The following LARGE1 variants were observed in gnomAD, a reference collection of about 807,000 sequenced individuals.
LARGE1 encodes the protein xylosyl- and glucuronyltransferase LARGE1.
A neutral mutation model predicts 87.6 loss-of-function variants in LARGE1; 43 were observed. The observed-to-expected ratio is 0.49, with a 90% confidence interval of 0.38 to 0.63. The LOEUF is 0.63. LARGE1 is among the 30% of genes least tolerant of loss of function. LARGE1 has a pLI of 0.00. For synonymous variants in LARGE1, 434 were observed against 394.6 expected (o/e 1.10, Z -1.18); for missense variants, 802 against 1,000.2 (o/e 0.80, Z 2.67).
At chr22:33,076,042 T>C in the LARGE1 span, among the ~76,000 whole-genome samples, 2 of 152,268 alleles carry the variant, frequency 1.3e-5, no homozygotes, top group South Asian at 4.1e-4. Context: ...TTCAACAAGG[T>C]CAAAGAAATT....
chr22:33,469,840 C>CA (rs2068758163), intron 6 of LARGE1, among the ~76,000 whole-genome samples: 1 of 139,750 alleles, frequency 7.2e-6, no homozygotes, highest in Non-Finnish European at 1.5e-5. Context: ...AAACAAAAAA[C>CA]AAAAAACAAA....
intron 3 of LARGE1, among the ~76,000 whole-genome samples, chr22:33,648,573 C>G (rs80015584): frequency 0.014 from 2,075 of 152,262 alleles, 41 homozygotes; most frequent in African/African-American, 0.047. Context: ...ATGCCTTCAC[C>G]AAGGCAAGAA....
At chr22:33,920,707 G>T (rs1310638256), upstream of LARGE1, among the ~76,000 whole-genome samples, 1 of 145,438 alleles carries the variant, frequency 6.9e-6, no homozygotes, top group African/African-American at 2.5e-5. Flanking sequence ...TGGGTGCGGG[G>T]AGCCGAGGCG....
rs5998826 is a variant in LARGE1, at chr22:33,240,676, A to C, written c.1730+63553T>G. Among the ~76,000 whole-genome samples the C allele has an allele frequency of 4.4e-3, 676 of 152,342 alleles. 4 individuals are homozygous for C. Among genetic ancestry groups the C allele is most frequent in the African/African-American group, 0.015 (637 of 41,574 alleles). ...TTTGTATTTTCATTTACATTTTAAA[A>C]TAAACTTGTTAGTGGGATTTTGATT... On this transcript the variant is annotated intron_variant, in intron 11 of 11. Coordinates refer to the LARGE1 transcript ENST00000608642.
chr22:33,403,941 A>G (rs536829944), intron 7 of LARGE1, among the ~76,000 whole-genome samples: 1 of 152,264 alleles, frequency 6.6e-6, no homozygotes, highest in South Asian at 2.1e-4. Context: ...TAGTTTGCAA[A>G]ATAGTTATGA....
chr22:33,464,861 TAC>T (rs1254225741), intron 6 of LARGE1, among the ~76,000 whole-genome samples: 3 of 146,958 alleles, frequency 2.0e-5, no homozygotes, highest in Admixed American at 6.9e-5. Context: ...ACACACACAC[TAC>T]ACACACACTG....
the LARGE1 span, among the ~76,000 whole-genome samples, chr22:33,118,212 G>T: frequency 1.3e-5 from 2 of 152,226 alleles, no homozygotes; most frequent in Non-Finnish European, 2.9e-5. Flanking sequence ...GCTGGGCACA[G>T]TGGCTCATGC....
chr22:33,481,328 T>C (rs367597886), intron 6 of LARGE1, among the ~76,000 whole-genome samples: 3 of 151,920 alleles, frequency 2.0e-5, no homozygotes, highest in Non-Finnish European at 2.9e-5. Flanking sequence ...CTTTGTGAAG[T>C]AGAGTTTTTT....
chr22:33,360,510 G>C (rs1225502299), intron 9 of LARGE1, among the ~76,000 whole-genome samples: 1 of 149,194 alleles, frequency 6.7e-6, no homozygotes, highest in South Asian at 2.3e-4. Flanking sequence ...GAGAAAGAGG[G>C]AGGAGATGCT....
At chr22:33,479,870 G>C (rs990678171) in intron 6 of LARGE1, among the ~76,000 whole-genome samples, 4 of 151,502 alleles carry the variant, frequency 2.6e-5, no homozygotes, top group African/African-American at 2.4e-5. Flanking sequence ...TCAGTCTCTC[G>C]AGTATCTGGG....
intron 7 of LARGE1, among the ~76,000 whole-genome samples, chr22:33,430,297 T>C (rs1041688163): frequency 2.6e-5 from 4 of 152,152 alleles, no homozygotes; most frequent in Admixed American, 1.3e-4. Flanking sequence ...GCACCTAACA[T>C]GGTGCCTGGC....
At chr22:33,816,306 C>T (rs1017051088) in intron 1 of LARGE1, among the ~76,000 whole-genome samples, 2 of 152,162 alleles carry the variant, frequency 1.3e-5, no homozygotes, top group Admixed American at 1.3e-4. Context: ...CAAAATGCCA[C>T]CGACTAGGTA....
In LARGE1 at chr22:33,274,165, C is replaced by T. The variant is rs1928688694; in HGVS notation, c.*262G>A. On this transcript the variant is annotated 3_prime_UTR_variant, in exon 15 of 15. Transcript: ENST00000397394. The stretch of plus-strand genomic sequence containing the variant: ...TGATAACCCTTTTACTCCCTGTCAC[C>T]CCTTGATTTCCCATTCTTGAAGAGA... The T allele has an allele frequency of 3.4e-6, 2 of 582,372 alleles. No individual in the cohort carries two copies. Among genetic ancestry groups the T allele is most frequent in the South Asian group, 2.0e-5 (1 of 49,852 alleles). The allele number at this position is 582,372 out of a possible 1,614,324, so 36.1% of individuals were successfully genotyped here.
At chr22:33,474,702 C>G (rs923749285) in intron 6 of LARGE1, among the ~76,000 whole-genome samples, 2 of 152,172 alleles carry the variant, frequency 1.3e-5, no homozygotes, top group African/African-American at 2.4e-5. Context: ...TAAGGAATAA[C>G]TGGGAAACAG....
chr22:33,604,698 A>G (rs2079206200), intron 4 of LARGE1, 140 bp from the exon 5 acceptor site: 1 of 1,161,944 alleles, frequency 8.6e-7, no homozygotes, highest in Admixed American at 2.0e-5. Flanking sequence ...GAATGTTACG[A>G]AAACAGTGCT....
intron 6 of LARGE1, among the ~76,000 whole-genome samples, chr22:33,503,065 T>C (rs1043453723): frequency 2.0e-5 from 3 of 152,188 alleles, no homozygotes; most frequent in East Asian, 1.9e-4. Context: ...CTCTACAGCA[T>C]GGCTGTTTTG....
intron 12 of LARGE1, among the ~76,000 whole-genome samples, chr22:33,284,612 C>T (rs377738807): frequency 6.6e-6 from 1 of 151,910 alleles, no homozygotes; most frequent in South Asian, 2.1e-4. Context: ...GAGTCTTGCT[C>T]TGTTGCCCAG....
At chr22:33,862,908 G>A (rs1181964606) in intron 1 of LARGE1, among the ~76,000 whole-genome samples, 2 of 151,868 alleles carry the variant, frequency 1.3e-5, no homozygotes, top group Non-Finnish European at 2.9e-5. Flanking sequence ...GAGGTAGCAC[G>A]CACCGAGTCC....
chr22:33,787,003 AGAGT>A (rs2085667355), intron 1 of LARGE1, among the ~76,000 whole-genome samples: 1 of 150,190 alleles, frequency 6.7e-6, no homozygotes, highest in Admixed American at 6.7e-5. Flanking sequence ...CCTGGGTGAC[AGAGT>A]GAGACTCCAT....
Sources: gnomAD v4.1 joint callset for allele counts (sites outside exome capture counted in the v4.1 genomes callset) on GRCh38, gnomAD v4.1.1 for gene constraint, MANE v1.5 for transcripts, NCBI Gene and HGNC (gene_info 2026-07-23, HGNC 2026-07-21) for gene names.